Variants in ERC2 observed in about 807,000 individuals in gnomAD.
ERC2 encodes the protein ELKS/RAB6-interacting/CAST family member 2, also known as ERC protein 2.
A neutral mutation model predicts 114.8 loss-of-function variants in ERC2; 42 were observed. The observed-to-expected ratio is 0.37, with a 90% CI of 0.29 to 0.47. The LOEUF (loss-of-function observed/expected upper bound fraction) is 0.47. ERC2 is among the 20% of genes least tolerant of loss of function. The pLI, the probability that ERC2 is intolerant of heterozygous loss-of-function variation, is 0.99. For synonymous variants in ERC2, 454 were observed against 425.5 expected, an observed-to-expected ratio of 1.07 and a Z score of -0.82; for missense variants, 939 against 1,150.7, an observed-to-expected ratio of 0.82 and a Z score of 2.66.
intron 14 of ERC2, among the ~76,000 whole-genome samples, chr3:55,828,136 G>T (rs545221791): frequency 6.6e-6 from 1 of 152,344 alleles, no homozygotes; most frequent in East Asian, 1.9e-4. Context: ...AGAACACAGG[G>T]AAAGCTGCAC....
At chr3:56,285,007 TCTCTCACA>T (rs1394936998) in intron 3 of ERC2, among the ~76,000 whole-genome samples, 11 of 108,898 alleles carry the variant, frequency 1.0e-4, no homozygotes, top group East Asian at 5.0e-4. Flanking sequence ...TCTCTCTCTC[TCTCTCACA>T]CACACACACA....
intron 15 of ERC2, among the ~76,000 whole-genome samples, chr3:55,729,837 CAAAAAAAA>C (rs71096498): frequency 0.025 from 1,525 of 61,602 alleles, 25 homozygotes; most frequent in Middle Eastern, 0.05. Flanking sequence ...GACTCTATCG[CAAAAAAAA>C]AAAAAAAAAA....
chr3:55,812,569 A>G lies in ERC2; in HGVS notation c.2564+75820T>C, dbSNP rs147905260. On this transcript the variant is annotated intron_variant, in intron 14 of 17. Coordinates refer to ENST00000288221, the MANE Select transcript of ERC2 (RefSeq NM_015576.3). Reference sequence around the variant, plus strand: ...AAACAGGCAATCCACAGGGCACCCAACTACAAGTGGGAGGAGGTATGATGA... The same window carrying G: ...AAACAGGCAATCCACAGGGCACCCAGCTACAAGTGGGAGGAGGTATGATGA... Among the ~76,000 whole-genome samples the G allele has an allele frequency of 8.2e-4, 125 of 152,332 alleles. 2 individuals are homozygous for G. The East Asian group carries it at 0.023, about 28-fold the overall frequency.
chr3:55,631,114 A>C, intron 17 of ERC2, among the ~76,000 whole-genome samples: 1 of 152,120 alleles, frequency 6.6e-6, no homozygotes, highest in Non-Finnish European at 1.5e-5. Flanking sequence ...GTTTAGTTCA[A>C]TACTAGGGGA....
intron 3 of ERC2, among the ~76,000 whole-genome samples, chr3:56,270,587 C>T (rs917554519): frequency 6.6e-6 from 1 of 152,160 alleles, no homozygotes; most frequent in African/African-American, 2.4e-5. Flanking sequence ...GTGTGTTTCC[C>T]ACCAGCATGG....
intron 17 of ERC2, among the ~76,000 whole-genome samples, chr3:55,610,064 C>A (rs55919330): frequency 0.11 from 13,189 of 117,580 alleles, 902 homozygotes; most frequent in East Asian, 0.2. Flanking sequence ...CAAACACAAA[C>A]AAAAAAAAAA....
chr3:56,141,950 G>C (rs964586897), intron 5 of ERC2, among the ~76,000 whole-genome samples: 2 of 152,128 alleles, frequency 1.3e-5, no homozygotes, highest in African/African-American at 4.8e-5. Context: ...CCTTCCGAAT[G>C]AAGTAGGAAG....
At chr3:55,569,482 C>A (rs1290061688) in intron 17 of ERC2, among the ~76,000 whole-genome samples, 3 of 152,112 alleles carry the variant, frequency 2.0e-5, no homozygotes, top group Non-Finnish European at 4.4e-5. Flanking sequence ...AAGATAAGAG[C>A]CAGACGTGTG....
At chr3:55,720,136 CTTCT>C (rs1559546936) in intron 15 of ERC2, among the ~76,000 whole-genome samples, 991 of 3,088 alleles carry the variant, frequency 0.32, 351 homozygotes, top group Middle Eastern at 1. Flanking sequence ...TCTTCCTCTT[CTTCT>C]TCCTCTTCTT....
Position 56,296,288 on chromosome 3 carries a change from C to T in ERC2, c.805G>A (p.Glu269Lys), listed in dbSNP as rs894778618. The T allele has an allele frequency of 2.5e-6, 4 of 1,614,010 alleles. No individual in the cohort carries two copies. The highest frequency in any genetic ancestry group is 3.4e-6 in the Non-Finnish European group (4 of 1,179,894). Residue 269 changes from glutamate to lysine, a missense_variant, in exon 3 of 18, where the codon GAG (glutamate) becomes AAG (lysine). Coordinates refer to ENST00000288221, the MANE Select transcript of ERC2 (RefSeq NM_015576.3). ...AGCTCCTTAGCCTGCCTGTCATGCT[C>T]GGCTTGGAGCCGCCTAAAGTTCTCC... ...TEENFRRLQA[E>K]HDRQAKELFL... is the part of the protein sequence containing the mutation.
intron 2 of ERC2, among the ~76,000 whole-genome samples, chr3:56,326,846 C>G (rs17056721): frequency 0.071 from 10,768 of 152,286 alleles, 581 homozygotes; most frequent in African/African-American, 0.14. Context: ...TCTGTGAACT[C>G]TCCTCACTTG....
intron 12 of ERC2, among the ~76,000 whole-genome samples, chr3:55,959,904 T>C (rs1226380919): frequency 6.6e-6 from 1 of 152,182 alleles, no homozygotes; most frequent in Non-Finnish European, 1.5e-5. Flanking sequence ...CAAAGCAGGG[T>C]TCCTCTGCCA....
chr3:56,180,656 G>T (rs543421895), intron 3 of ERC2, among the ~76,000 whole-genome samples: 1 of 152,260 alleles, frequency 6.6e-6, no homozygotes, highest in South Asian at 2.1e-4. Flanking sequence ...GTGGTGATAG[G>T]CAGAAATGAG....
intron 1 of ERC2, among the ~76,000 whole-genome samples, chr3:56,460,538 A>G (rs189836110): frequency 2.0e-5 from 3 of 152,356 alleles, no homozygotes; most frequent in Admixed American, 1.3e-4. Flanking sequence ...TGTATAGGTA[A>G]TATGAAATGA....
At chr3:56,343,188 T>TCACACACACACACACACACACACACACA (rs1247948473) in intron 2 of ERC2, among the ~76,000 whole-genome samples, 1 of 31,412 alleles carries the variant, frequency 3.2e-5, no homozygotes, top group African/African-American at 1.0e-4. Context: ...TCTCTCTCTC[T>TCACACACACACACACACACACACACACA]CTCTCACACA....
At chr3:56,454,391 C>A (rs929047216) in intron 1 of ERC2, among the ~76,000 whole-genome samples, 6 of 152,116 alleles carry the variant, frequency 3.9e-5, no homozygotes, top group Non-Finnish European at 5.9e-5. Context: ...TCTTTTAAAC[C>A]TGGATAAGCT....
chr3:55,683,404 A>G (rs1459348011), intron 17 of ERC2, among the ~76,000 whole-genome samples: 1 of 152,206 alleles, frequency 6.6e-6, no homozygotes, highest in Non-Finnish European at 1.5e-5. Context: ...GTCACACCAC[A>G]CTGGCATATC....
chr3:55,780,897 C>T (rs373318902), intron 14 of ERC2, among the ~76,000 whole-genome samples: 19 of 152,276 alleles, frequency 1.2e-4, no homozygotes, highest in East Asian at 3.9e-4. Context: ...GCAAATGATA[C>T]GCCAAGACGA....
chr3:56,419,900 A>G (rs968523381), intron 2 of ERC2, among the ~76,000 whole-genome samples: 43 of 152,216 alleles, frequency 2.8e-4, no homozygotes, highest in African/African-American at 1.0e-3. Flanking sequence ...AGAGAAATTT[A>G]AAATTTTTGA....
Sources: allele counts gnomAD v4.1 joint callset (sites outside exome capture counted in the v4.1 genomes callset), GRCh38; gene constraint gnomAD v4.1.1; transcripts MANE v1.5; gene names NCBI Gene and HGNC (gene_info 2026-07-23, HGNC 2026-07-21).